The following PDE10A variants were observed in gnomAD, a reference collection of about 807,000 sequenced individuals.
The protein encoded by PDE10A is cAMP and cAMP-inhibited cGMP 3',5'-cyclic phosphodiesterase 10A.
Under a neutral mutation model 97.7 loss-of-function variants are expected in PDE10A, and 39 were observed. The observed-to-expected ratio is 0.40, with a 90% confidence interval of 0.31 to 0.52. The LOEUF is 0.52. Ranked by LOEUF, PDE10A falls within the 20% of genes least tolerant of loss-of-function variation. The pLI is 0.56. For missense variants in PDE10A, 731 were observed against 1,047.8 expected, an observed-to-expected ratio of 0.70 and a Z score of 4.17; for synonymous variants, 371 against 376.8, an observed-to-expected ratio of 0.98 and a Z score of 0.18.
At chr6:165,497,306 G>A (rs1201132386) in intron 2 of PDE10A, among the ~76,000 whole-genome samples, 2 of 152,072 alleles carry the variant, frequency 1.3e-5, no homozygotes, top group African/African-American at 2.4e-5. Flanking sequence ...AGAGTAACAC[G>A]AAGCTTTCCA....
intron 1 of PDE10A, among the ~76,000 whole-genome samples, chr6:165,980,450 T>G (rs1439601562): frequency 6.6e-6 from 1 of 152,296 alleles, no homozygotes; most frequent in East Asian, 1.9e-4. Context: ...TTCAATAGGG[T>G]TTAGTTAAAT....
chr6:165,376,604 C>T (rs973200403), intron 18 of PDE10A, among the ~76,000 whole-genome samples: 1 of 152,160 alleles, frequency 6.6e-6, no homozygotes, highest in Admixed American at 6.5e-5. Flanking sequence ...ACTTCACTCT[C>T]GTCATATTTT....
At chr6:165,361,759 G>A (rs1783442911) in intron 18 of PDE10A, among the ~76,000 whole-genome samples, 1 of 152,168 alleles carries the variant, frequency 6.6e-6, no homozygotes, top group Admixed American at 6.6e-5. Flanking sequence ...CTGTTAAAAA[G>A]TAGGAGAGAA....
intron 1 of PDE10A, among the ~76,000 whole-genome samples, chr6:165,919,123 G>A (rs1454656544): frequency 6.6e-6 from 1 of 152,048 alleles, no homozygotes; most frequent in African/African-American, 2.4e-5. Flanking sequence ...CCTTCCTTTT[G>A]GCTTTGTCAA....
chr6:165,469,993 A>G (rs1294981195), intron 3 of PDE10A, among the ~76,000 whole-genome samples: 1 of 152,166 alleles, frequency 6.6e-6, no homozygotes, highest in Non-Finnish European at 1.5e-5. Context: ...CCATCACTTT[A>G]GCCCTGTGGT....
At chr6:165,887,313 A>G (rs1039159144) in intron 1 of PDE10A, among the ~76,000 whole-genome samples, 3 of 152,226 alleles carry the variant, frequency 2.0e-5, no homozygotes, top group African/African-American at 4.8e-5. Flanking sequence ...ACCAGTCACC[A>G]GAAGAACCCC....
chr6:165,352,599 A>C (rs1782761803), intron 18 of PDE10A, among the ~76,000 whole-genome samples: 2 of 152,180 alleles, frequency 1.3e-5, no homozygotes, highest in Admixed American at 1.3e-4. Context: ...TTTAAAAGTT[A>C]TAGTTCCATT....
chr6:165,849,860 T>C (rs1192584058), intron 1 of PDE10A, among the ~76,000 whole-genome samples: 1 of 152,202 alleles, frequency 6.6e-6, no homozygotes, highest in Non-Finnish European at 1.5e-5. Flanking sequence ...ACTTCAAAAG[T>C]TGCACAAGTG....
intron 17 of PDE10A, among the ~76,000 whole-genome samples, chr6:165,383,449 C>G (rs1346451708): frequency 6.6e-6 from 1 of 152,148 alleles, no homozygotes; most frequent in African/African-American, 2.4e-5. Context: ...ACAAAACAGT[C>G]TGCTCACATG....
intron 1 of PDE10A, among the ~76,000 whole-genome samples, chr6:165,551,492 C>CA (rs893792502): frequency 6.6e-6 from 1 of 152,086 alleles, no homozygotes; most frequent in African/African-American, 2.4e-5. Flanking sequence ...AGAAAATGTT[C>CA]AAAATATTTA....
chr6:165,953,450 G>A (rs1349376195), intron 1 of PDE10A, among the ~76,000 whole-genome samples: 1 of 152,044 alleles, frequency 6.6e-6, no homozygotes, highest in Non-Finnish European at 1.5e-5. Context: ...AATTAGCCGG[G>A]TGTGGTGGCG....
At chr6:165,342,257 T>C (rs957594705) in intron 19 of PDE10A, among the ~76,000 whole-genome samples, 2 of 152,246 alleles carry the variant, frequency 1.3e-5, no homozygotes, top group Non-Finnish European at 1.5e-5. Flanking sequence ...AATATATTTA[T>C]TGAAAAATAT....
intron 1 of PDE10A, among the ~76,000 whole-genome samples, chr6:165,809,770 G>T (rs2128467067): frequency 6.6e-6 from 1 of 152,304 alleles, no homozygotes; most frequent in East Asian, 1.9e-4. Flanking sequence ...CCTAGTGGGT[G>T]AAAGGCACAT....
At chr6:165,466,954 A>G (rs994266342) in intron 3 of PDE10A, among the ~76,000 whole-genome samples, 2 of 152,196 alleles carry the variant, frequency 1.3e-5, no homozygotes, top group Admixed American at 1.3e-4. Context: ...AAGTTCTTGA[A>G]GGAAATTAAA....
chr6:165,777,224 G>A (rs565087316), intron 1 of PDE10A, among the ~76,000 whole-genome samples: 1 of 152,286 alleles, frequency 6.6e-6, no homozygotes, highest in East Asian at 1.9e-4. Context: ...GATGGAAAGT[G>A]GATTTGAAGT....
At chr6:165,527,235 C>T (rs1394644567) in intron 2 of PDE10A, among the ~76,000 whole-genome samples, 1 of 152,198 alleles carries the variant, frequency 6.6e-6, no homozygotes. Context: ...TTGGAGGCCA[C>T]ACATTTCTCA....
At chr6:165,925,813 T>C (rs547579430) in intron 1 of PDE10A, among the ~76,000 whole-genome samples, 53 of 152,274 alleles carry the variant, frequency 3.5e-4, no homozygotes, top group South Asian at 1.9e-3. Flanking sequence ...CCAGTGGTGG[T>C]CAAACAATGC....
intron 18 of PDE10A, among the ~76,000 whole-genome samples, chr6:165,373,521 C>T (rs567064593): frequency 6.6e-6 from 1 of 152,214 alleles, no homozygotes; most frequent in South Asian, 2.1e-4. Context: ...CAAATCAAAA[C>T]CACAATGAGA....
intron 1 of PDE10A, among the ~76,000 whole-genome samples, chr6:165,548,964 T>C (rs1322950244): frequency 6.6e-6 from 1 of 152,070 alleles, no homozygotes; most frequent in Non-Finnish European, 1.5e-5. Flanking sequence ...GTTTCTTCCA[T>C]TGTAACTATT....
Sources: gnomAD v4.1 joint callset for allele counts (sites outside exome capture counted in the v4.1 genomes callset) on GRCh38, gnomAD v4.1.1 for gene constraint, MANE v1.5 for transcripts, NCBI Gene and HGNC (gene_info 2026-07-23, HGNC 2026-07-21) for gene names.